The following ADAMTS16 variants were observed in gnomAD, a reference collection of about 807,000 sequenced individuals.
The protein encoded by ADAMTS16 is ADAM metallopeptidase with thrombospondin type 1 motif 16.
Under a neutral mutation model 145.8 loss-of-function variants are expected in ADAMTS16, and 94 were observed. The observed-to-expected ratio is 0.64, with a 90% confidence interval of 0.55 to 0.77. The LOEUF is 0.77. Among genes scored for constraint, ADAMTS16 ranks in the 30% least tolerant of loss-of-function variants. ADAMTS16 has a pLI of 0.00. For synonymous variants in ADAMTS16, 659 were observed against 604.3 expected (o/e 1.09, Z -1.33); for missense variants, 1,585 against 1,591.5 (o/e 1.00, Z 0.07).
intron 12 of ADAMTS16, 43 bp from the exon 13 acceptor site, chr5:5,234,971 C>A: frequency 6.8e-7 from 1 of 1,472,224 alleles, no homozygotes; most frequent in Non-Finnish European, 9.1e-7. Flanking sequence ...AATTTAGTAG[C>A]TACTAAAATA....
chr5:5,178,474 A>C (rs568758629), intron 3 of ADAMTS16, among the ~76,000 whole-genome samples: 1 of 152,244 alleles, frequency 6.6e-6, no homozygotes, highest in Non-Finnish European at 1.5e-5. Flanking sequence ...ATCTTTTAGA[A>C]TAGCTTGCAA....
intron 3 of ADAMTS16, among the ~76,000 whole-genome samples, chr5:5,171,781 C>G (rs1331203635): frequency 2.0e-5 from 3 of 151,920 alleles, no homozygotes; most frequent in African/African-American, 7.3e-5. Context: ...TAATACTGAC[C>G]TCATAGGATG....
At position 5,140,546 on chromosome 5, in the gene ADAMTS16, C is replaced by A; in HGVS notation, c.72+7C>A. ...GGCGCAGGTGGCCGAGCAGGTGAGT[C>A]CCGGGCGCTCCCACCAGCGCGGAAA... On this transcript the variant is annotated splice_region_variant and intron_variant, in intron 1 of 22. Coordinates refer to ENST00000274181, the MANE Select transcript of ADAMTS16 (RefSeq NM_139056.4). The A allele has an allele frequency of 6.6e-7, 1 of 1,507,842 alleles. No individual in the cohort carries two copies. Among genetic ancestry groups the A allele is most frequent in the Non-Finnish European group, 8.8e-7 (1 of 1,137,238 alleles). 93.4% of individuals were successfully genotyped at this position (1,507,842 alleles called of 1,614,324 possible).
chr5:5,313,923 C>T (rs60684265), intron 21 of ADAMTS16, among the ~76,000 whole-genome samples: 1,629 of 152,342 alleles, frequency 0.011, 29 homozygotes, highest in African/African-American at 0.037. Context: ...CTGCTGTCAT[C>T]ATCTCCCAAA....
At chr5:5,253,757 C>A (rs1437351292) in intron 17 of ADAMTS16, among the ~76,000 whole-genome samples, 1 of 152,212 alleles carries the variant, frequency 6.6e-6, no homozygotes, top group Non-Finnish European at 1.5e-5. Context: ...CATCCACAGG[C>A]TCTTTCTCAG....
intron 8 of ADAMTS16, among the ~76,000 whole-genome samples, chr5:5,195,600 T>G (rs893058670): frequency 1.3e-5 from 2 of 152,242 alleles, no homozygotes; most frequent in African/African-American, 4.8e-5. Context: ...AGCTGTACAT[T>G]CCACTTATAT....
chr5:5,295,245 A>G (rs893146857), intron 18 of ADAMTS16, among the ~76,000 whole-genome samples: 1 of 152,236 alleles, frequency 6.6e-6, no homozygotes, highest in Admixed American at 6.5e-5. Flanking sequence ...TTGTTTTAAA[A>G]TTTGTATGTT....
intron 2 of ADAMTS16, among the ~76,000 whole-genome samples, chr5:5,142,522 C>T (rs1196453877): frequency 1.3e-5 from 2 of 152,190 alleles, no homozygotes; most frequent in African/African-American, 4.8e-5. Context: ...TTTTATGCCA[C>T]CAGAGAAAAG....
At chr5:5,250,707 CTCTG>C (rs143316449) in intron 17 of ADAMTS16, among the ~76,000 whole-genome samples, 56,452 of 148,542 alleles carry the variant, frequency 0.38, 11,354 homozygotes, top group Middle Eastern at 0.48. Context: ...TGTCTCTTCT[CTCTG>C]TGTGTGTGTG....
intron 3 of ADAMTS16, among the ~76,000 whole-genome samples, chr5:5,146,972 C>T (rs1579270362): frequency 6.6e-6 from 1 of 152,170 alleles, no homozygotes; most frequent in Non-Finnish European, 1.5e-5. Context: ...GCTGGTCTTC[C>T]TGGACTGATG....
intron 17 of ADAMTS16, among the ~76,000 whole-genome samples, chr5:5,243,872 A>G (rs1008782174): frequency 1.3e-5 from 2 of 152,212 alleles, no homozygotes; most frequent in Non-Finnish European, 2.9e-5. Context: ...ATGGATGATT[A>G]GTGTATTTGC....
Position 5,317,636 on chromosome 5 carries a change from G to T in ADAMTS16, c.3412-498G>T, listed in dbSNP as rs1043594704. On this transcript the variant is annotated intron_variant, in intron 21 of 22. Transcript: ENST00000274181. The surrounding 1 kb of genome is among the most constrained non-coding windows in gnomAD (Gnocchi z 4.5). ...TGATCTCGAACTCCTGACCTCAGGT[G>T]ATCCACCCGCCTCAGCCTCCCAAAG... Among the ~76,000 whole-genome samples the T allele has an allele frequency of 3.3e-5, 5 of 152,072 alleles. No homozygotes were observed. Among genetic ancestry groups the T allele is most frequent in the Admixed American group, 6.5e-5 (1 of 15,280 alleles).
intron 2 of ADAMTS16, among the ~76,000 whole-genome samples, chr5:5,143,656 T>G (rs270190): frequency 0.45 from 68,212 of 152,006 alleles, 15,793 homozygotes; most frequent in Admixed American, 0.57. Context: ...TATAAATCAT[T>G]CTACTATTAA....
At chr5:5,216,763 C>A (rs1348212552) in intron 10 of ADAMTS16, among the ~76,000 whole-genome samples, 3 of 122,968 alleles carry the variant, frequency 2.4e-5, no homozygotes, top group Admixed American at 1.8e-4. Flanking sequence ...CCCCTCCCCC[C>A]ACCCCACAAC....
At chr5:5,153,165 T>C (rs1048211975) in intron 3 of ADAMTS16, among the ~76,000 whole-genome samples, 2 of 152,250 alleles carry the variant, frequency 1.3e-5, no homozygotes, top group African/African-American at 4.8e-5. Flanking sequence ...GACTTTCTCA[T>C]TGGTTTCCAC....
At chr5:5,190,546 T>C (rs1735636586) in intron 7 of ADAMTS16, among the ~76,000 whole-genome samples, 1 of 152,096 alleles carries the variant, frequency 6.6e-6, no homozygotes, top group Non-Finnish European at 1.5e-5. Flanking sequence ...ATCTCAATCT[T>C]AGCAATGTTT....
Position 5,303,417 on chromosome 5 carries a change from C to G in ADAMTS16, c.2939C>G (p.Ala980Gly), listed in dbSNP as rs1030486831. 27 of 1,609,366 alleles carry G rather than the reference C, an allele frequency of 1.7e-5. No homozygotes were observed. The highest frequency in any genetic ancestry group is 2.2e-5 in the Non-Finnish European group (26 of 1,178,278). Reference sequence around the variant, plus strand: ...CAGCCTGCTCCCTCCAGCAGGCAGGCCTGCAACTCTCAGAGCTGCCCACCT... The same window carrying G: ...CAGCCTGCTCCCTCCAGCAGGCAGGGCTGCAACTCTCAGAGCTGCCCACCT... ...CPQPAPSSRQ[A>G]CNSQSCPPAW... Residue 980 changes from alanine (A) to glycine (G), a missense_variant, in exon 19 of 23, where the codon GCC becomes GGC. By Grantham distance (60) the Ala-to-Gly change is moderately conservative. Around this residue, in one of 3 missense-constraint regions of ADAMTS16, gnomAD observed 834 missense variants for 811.7 expected, o/e 1.03. Coordinates refer to ENST00000274181, the MANE Select transcript of ADAMTS16 (RefSeq NM_139056.4).
At chr5:5,165,825 G>A (rs1284153285) in intron 3 of ADAMTS16, among the ~76,000 whole-genome samples, 1 of 152,134 alleles carries the variant, frequency 6.6e-6, no homozygotes. Context: ...ATAGGTCCAG[G>A]TGACAACCCC....
At chr5:5,261,687 T>A (rs1057061979) in intron 17 of ADAMTS16, among the ~76,000 whole-genome samples, 1 of 152,174 alleles carries the variant, frequency 6.6e-6, no homozygotes, top group Non-Finnish European at 1.5e-5. Context: ...AGTTTCACCA[T>A]GTTGGCCAGG....
Sources: allele counts gnomAD v4.1 joint callset (sites outside exome capture counted in the v4.1 genomes callset), GRCh38; gene constraint gnomAD v4.1.1; regional missense constraint gnomAD v4.1.1; non-coding constraint Gnocchi (gnomAD v3.1); transcripts MANE v1.5; gene names NCBI Gene and HGNC (gene_info 2026-07-23, HGNC 2026-07-21).